The following NUP153 variants were observed in gnomAD, a reference collection of about 807,000 sequenced individuals.
The protein encoded by NUP153 is nucleoporin 153, also known as nuclear pore complex protein Nup153.
A neutral mutation model predicts 134.6 loss-of-function variants in NUP153; 27 were observed. The observed-to-expected ratio is 0.20, with a 90% CI of 0.15 to 0.28. NUP153 has a LOEUF of 0.28. Among genes scored for constraint, NUP153 ranks in the 10% least tolerant of loss-of-function variants. NUP153 has a pLI of 1.00. For missense variants in NUP153, 1,821 were observed against 1,731.3 expected (o/e 1.05, Z -0.92); for synonymous variants, 640 against 623.5 (o/e 1.03, Z -0.40).
At chr6:17,617,786 AG>A (rs1476478745) in intron 20 of NUP153, among the ~76,000 whole-genome samples, 3 of 152,106 alleles carry the variant, frequency 2.0e-5, no homozygotes, top group African/African-American at 7.2e-5. Flanking sequence ...TCGAGGACGC[AG>A]TGTGCCCTGA....
chr6:17,633,704 A>G (rs1581678023), intron 16 of NUP153, among the ~76,000 whole-genome samples: 1 of 152,208 alleles, frequency 6.6e-6, no homozygotes, highest in African/African-American at 2.4e-5. Flanking sequence ...CGGCTTGGTA[A>G]GGCCCAAAAT....
rs911833362 is a variant in NUP153, at chr6:17,628,583, C to G, written c.3544+72G>C. On this transcript the variant is annotated intron_variant, in intron 18 of 21. Coordinates refer to ENST00000262077, the MANE Select transcript of NUP153 (RefSeq NM_005124.4). The surrounding 1 kb of genome is among the most constrained non-coding windows in gnomAD (Gnocchi z 5.4). The stretch of plus-strand genomic sequence containing the variant: ...CCATTAATTGACTTGCTGCATCTGT[C>G]AAGGCAACTTGTAAAACGACAACTT... The G allele has an allele frequency of 3.0e-5, 25 of 845,438 alleles. No individual in the cohort carries two copies. In the African/African-American group the frequency reaches 3.8e-4, roughly 13 times the overall value. The allele number at this position is 845,438 out of a possible 1,614,324, so 52.4% of individuals were successfully genotyped here.
intron 5 of NUP153, among the ~76,000 whole-genome samples, chr6:17,673,694 C>CA (rs1225656919): frequency 6.6e-6 from 1 of 152,114 alleles, no homozygotes; most frequent in East Asian, 1.9e-4. Flanking sequence ...CAAAAACAAA[C>CA]AAAAAACCTG....
In NUP153 at chr6:17,628,223, T is replaced by C. The variant is rs180934108; in HGVS notation, c.3544+432A>G. Among the ~76,000 whole-genome samples the C allele has an allele frequency of 1.4e-3, 211 of 152,342 alleles. No homozygotes were observed. Among genetic ancestry groups the C allele is most frequent in the African/African-American group, 4.7e-3 (197 of 41,580 alleles). On this transcript the variant is annotated intron_variant, in intron 18 of 21. Coordinates refer to ENST00000262077, the MANE Select transcript of NUP153 (RefSeq NM_005124.4). The surrounding 1 kb of genome is among the most constrained non-coding windows in gnomAD (Gnocchi z 5.4). ...GTTTTCTCAGGATTAATTATATTTG[T>C]TGTCTATGTTTCTTAATGTTTGATG...
chr6:17,685,199 C>G (rs978187691), intron 2 of NUP153, among the ~76,000 whole-genome samples: 14 of 152,138 alleles, frequency 9.2e-5, no homozygotes, highest in Non-Finnish European at 1.8e-4. Context: ...CATATGTTAG[C>G]TTTCCAGAAT....
chr6:17,633,353 C>T (rs1249749725), intron 16 of NUP153, among the ~76,000 whole-genome samples: 2 of 152,200 alleles, frequency 1.3e-5, no homozygotes, highest in East Asian at 3.8e-4. Context: ...ATAGCTTTTG[C>T]ACAGAAGTGC....
At chr6:17,657,032 T>C (rs1189947071) in intron 11 of NUP153, among the ~76,000 whole-genome samples, 2 of 152,214 alleles carry the variant, frequency 1.3e-5, no homozygotes, top group Non-Finnish European at 2.9e-5. Flanking sequence ...CAAGAATACC[T>C]GTTAGCCACT....
At chr6:17,644,561 A>T (rs1166089879) in intron 14 of NUP153, among the ~76,000 whole-genome samples, 1 of 152,104 alleles carries the variant, frequency 6.6e-6, no homozygotes, top group East Asian at 1.9e-4. Flanking sequence ...CTTGGGTAAA[A>T]TGCCCTTGCT....
At chr6:17,622,115 G>GT (rs963487701) in intron 20 of NUP153, among the ~76,000 whole-genome samples, 9 of 152,182 alleles carry the variant, frequency 5.9e-5, no homozygotes, top group East Asian at 1.9e-4. Context: ...TTTGTTTTGT[G>GT]TTTTTTTGGA....
intron 17 of NUP153, among the ~76,000 whole-genome samples, 191 bp downstream of exon 17, chr6:17,632,459 A>G (rs1765306911): frequency 1.3e-5 from 2 of 152,198 alleles, no homozygotes; most frequent in Non-Finnish European, 2.9e-5. Context: ...CTCACTGTTG[A>G]CAAGCAACTA....
intron 2 of NUP153, among the ~76,000 whole-genome samples, chr6:17,683,908 A>T (rs1768761058): frequency 6.6e-6 from 1 of 152,120 alleles, no homozygotes; most frequent in South Asian, 2.1e-4. Flanking sequence ...TTGATCCTCA[A>T]TGTTGGAAGT....
At chr6:17,645,242 C>CA (rs1010515280) in intron 14 of NUP153, among the ~76,000 whole-genome samples, 6,324 of 68,418 alleles carry the variant, frequency 0.092, 251 homozygotes, top group African/African-American at 0.16. Context: ...GACTCTGTCT[C>CA]AAAAAAAAAA....
In NUP153 at chr6:17,669,461, T is replaced by A. The variant is rs200406494; in HGVS notation, c.938A>T (p.Gln313Leu). 45 of 1,614,038 alleles carry A rather than the reference T, an allele frequency of 2.8e-5. No individual in the cohort carries two copies. In the East Asian group the frequency reaches 9.1e-4, roughly 33 times the overall value. ...AGGGCTTGACATCTTCTCTAAAGAC[T>A]GCAATATTCGCCGAGCTGTTGAACT... ...VTSSTARRILQSLEKMSSPLA... is the reference protein window; with the variant it reads ...VTSSTARRILLSLEKMSSPLA... The change falls in exon 6 of 22, where the codon CAG (glutamine) becomes CTG (leucine). Residue 313 changes from glutamine (Q) to leucine (L), a missense_variant. Gln to Leu is a moderately radical substitution (Grantham distance 113). Transcript: ENST00000262077.
At chr6:17,616,506 T>G in intron 21 of NUP153, 21 bp downstream of exon 21, 1 of 1,587,362 alleles carries the variant, frequency 6.3e-7, no homozygotes, top group Non-Finnish European at 8.6e-7. Context: ...ACTTCTCCAT[T>G]TCAATAAAAA....
chr6:17,648,571 C>A (rs923574878), intron 12 of NUP153, among the ~76,000 whole-genome samples: 2 of 151,880 alleles, frequency 1.3e-5, no homozygotes, highest in Non-Finnish European at 2.9e-5. Context: ...GAGCCAAGAT[C>A]GTGCCACTGC....
Position 17,628,580 on chromosome 6 carries a change from T to C in NUP153, c.3544+75A>G, listed in dbSNP as rs987358942. On this transcript the variant is annotated intron_variant, in intron 18 of 21. Coordinates refer to ENST00000262077, the MANE Select transcript of NUP153 (RefSeq NM_005124.4). This position sits in a 1 kb window ranked among gnomAD's most constrained non-coding sequence, Gnocchi z 5.4. ...AAACCATTAATTGACTTGCTGCATC[T>C]GTCAAGGCAACTTGTAAAACGACAA... The C allele has an allele frequency of 3.8e-6, 3 of 793,548 alleles. No homozygotes were observed. The highest frequency in any genetic ancestry group is 8.8e-5 in the Admixed American group (2 of 22,720). 49.2% of individuals were successfully genotyped at this position (793,548 alleles called of 1,614,324 possible).
chr6:17,677,281 C>G (rs1768275330), intron 2 of NUP153, among the ~76,000 whole-genome samples: 2 of 152,166 alleles, frequency 1.3e-5, no homozygotes, highest in South Asian at 4.2e-4. Context: ...ACTGAACTGC[C>G]TGCTAAAAAC....
rs1488822246 is a variant in NUP153 at position 17,706,091 on chromosome 6, G to C, written c.111+186C>G. 6.6e-6 allele frequency among the ~76,000 whole-genome samples: 1 copy of C among 152,198 alleles called. No individual in the cohort carries two copies. Among genetic ancestry groups the C allele is most frequent in the Non-Finnish European group, 1.5e-5 (1 of 68,040 alleles). The stretch of plus-strand genomic sequence containing the variant: ...CCAAACCACACGTGTGCGCCGCAAG[G>C]CTGGGCCTGTCTCAGCCCACTTCCC... On this transcript the variant is annotated intron_variant, in intron 1 of 21. Coordinates refer to ENST00000262077, the MANE Select transcript of NUP153 (RefSeq NM_005124.4). This position sits in a 1 kb window ranked among gnomAD's most constrained non-coding sequence, Gnocchi z 5.9.
At chr6:17,669,256 A>C (rs903158265) in intron 7 of NUP153, 37 bp downstream of exon 7, 25 of 1,568,350 alleles carry the variant, frequency 1.6e-5, no homozygotes, top group Non-Finnish European at 2.0e-5. Context: ...TTTTTGTATG[A>C]ACAATATTTT....
Sources: gnomAD v4.1 joint callset for allele counts (sites outside exome capture counted in the v4.1 genomes callset) on GRCh38, gnomAD v4.1.1 for gene constraint, Gnocchi (gnomAD v3.1) non-coding constraint, MANE v1.5 for transcripts, NCBI Gene and HGNC (gene_info 2026-07-23, HGNC 2026-07-21) for gene names.